GZMK: variants seen among roughly 807,000 people sequenced by gnomAD.
The protein encoded by GZMK is granzyme K.
In GZMK, 18 loss-of-function variants were observed where a neutral mutation model predicts 22.8. The observed-to-expected ratio is 0.79, with a 90% CI of 0.54 to 1.17. The LOEUF is 1.17. Ranked by LOEUF, GZMK falls within the 50% of genes most tolerant of loss-of-function variation. GZMK has a pLI of 0.00. For missense variants in GZMK, 342 were observed against 320.2 expected (o/e 1.07, Z -0.52); for synonymous variants, 136 against 115.0 (o/e 1.18, Z -1.17).
chr5:55,033,330 A>G (rs1741263101), intron 4 of GZMK, among the ~76,000 whole-genome samples: 1 of 152,368 alleles, frequency 6.6e-6, no homozygotes, highest in East Asian at 1.9e-4. Flanking sequence ...AGCCTCAATA[A>G]CAACTCGATT....
At chr5:55,031,669 G>C in intron 4 of GZMK, 36 bp downstream of exon 4, 1 of 1,580,654 alleles carries the variant, frequency 6.3e-7, no homozygotes. Flanking sequence ...ATCTTGGAGC[G>C]CTGTACAGTA....
At chr5:55,031,772 A>G (rs1741239085) in intron 4 of GZMK, 139 bp downstream of exon 4, 1 of 655,218 alleles carries the variant, frequency 1.5e-6, no homozygotes, top group African/African-American at 1.8e-5. Context: ...TCATTCCTGC[A>G]CAGCATTCTC....
chr5:55,030,378 C>T, intron 2 of GZMK, 56 bp from the exon 3 acceptor site: 2 of 1,547,020 alleles, frequency 1.3e-6, no homozygotes, highest in Non-Finnish European at 8.9e-7. Context: ...ATCACCACTC[C>T]CCACTGGGGG....
At chr5:55,024,631 G>A (rs1035739563) in intron 1 of GZMK, 29 bp from the exon 2 acceptor site, 2 of 1,517,458 alleles carry the variant, frequency 1.3e-6, no homozygotes, top group Non-Finnish European at 1.8e-6. Context: ...TAGATCTTTT[G>A]TGTGAAACCT....
chr5:55,031,125 C>T (rs948904898), intron 3 of GZMK, among the ~76,000 whole-genome samples: 1 of 152,154 alleles, frequency 6.6e-6, no homozygotes, highest in African/African-American at 2.4e-5. Context: ...CCAGTTTGCT[C>T]GAGACTGAAC....
In GZMK at chr5:55,034,013, A is replaced by G. The variant is rs372111727; in HGVS notation, c.*87A>G. ...GTTGGGTGTAAGTAAAGCAGAGCAC[A>G]TATGGGGTCCATTTTTGCACTTGTA... is the stretch of plus-strand genomic sequence containing the variant. On this transcript the variant is annotated 3_prime_UTR_variant, in exon 5 of 5. Coordinates refer to ENST00000231009, the MANE Select transcript of GZMK (RefSeq NM_002104.3). 3 of 954,334 alleles carry G rather than the reference A, an allele frequency of 3.1e-6. No individual in the cohort carries two copies. The highest frequency in any genetic ancestry group is 4.6e-6 in the Non-Finnish European group (3 of 649,626). The allele number at this position is 954,334 out of a possible 1,614,324, so 59.1% of individuals were successfully genotyped here.
chr5:55,031,184 C>G (rs997246259), intron 3 of GZMK, among the ~76,000 whole-genome samples, 180 bp from the exon 4 acceptor site: 2 of 152,162 alleles, frequency 1.3e-5, no homozygotes, highest in Admixed American at 1.3e-4. Context: ...GTGAGCTCCT[C>G]GGGGAGTAGA....
In GZMK at chr5:55,031,398, A is replaced by C. The variant is rs187556392; in HGVS notation, c.398A>C (p.Lys133Thr). 1 of 1,613,634 alleles carries C rather than the reference A, an allele frequency of 6.2e-7. No individual in the cohort carries two copies. Among genetic ancestry groups the C allele is most frequent in the Non-Finnish European group, 8.5e-7 (1 of 1,179,514 alleles). ...GCCGCAAAACTCAATAAACATGTCAAGATGCTCCACATAAGATCCAAAACC... is the reference window on the plus strand; with the variant it reads ...GCCGCAAAACTCAATAAACATGTCACGATGCTCCACATAAGATCCAAAACC... ...QTAAKLNKHV[K>T]MLHIRSKTSL... The change falls in exon 4 of 5, where the codon AAG (lysine) becomes ACG (threonine). Residue 133 changes from lysine (K) to threonine (T), a missense_variant. By Grantham distance (78) the Lys-to-Thr change is moderately conservative. Coordinates refer to ENST00000231009, the MANE Select transcript of GZMK (RefSeq NM_002104.3).
Position 55,025,332 on chromosome 5 carries a change from A to G in GZMK, c.212+525A>G, listed in dbSNP as rs987311296. Reference sequence around the variant, plus strand: ...ATGAGAAGCCTACTTTGCCACTCCTAACAGTAGCTACCTAACAGTAGCTAC... The same window carrying G: ...ATGAGAAGCCTACTTTGCCACTCCTGACAGTAGCTACCTAACAGTAGCTAC... On this transcript the variant is annotated intron_variant, in intron 2 of 4. Transcript: ENST00000231009. 2.6e-5 allele frequency among the ~76,000 whole-genome samples: 4 copies of G among 152,196 alleles called. No homozygotes were observed. The East Asian group carries it at 7.7e-4, about 29-fold the overall frequency.
rs751051206 is a variant in GZMK, at chr5:55,024,315, T to C, written c.-8T>C. 13 of 1,317,508 alleles carry C rather than the reference T, an allele frequency of 9.9e-6. No homozygotes were observed. The South Asian group carries it at 1.5e-4, about 16-fold the overall frequency. 81.6% of individuals were successfully genotyped at this position (1,317,508 alleles called of 1,614,324 possible). On this transcript the variant is annotated 5_prime_UTR_variant, in exon 1 of 5. Coordinates refer to ENST00000231009, the MANE Select transcript of GZMK (RefSeq NM_002104.3). The stretch of plus-strand genomic sequence containing the variant: ...TTCATCTGGGCTTCTTAAATCTAAA[T>C]CTTTAAAATGACTAAGTTTTCTTCC...
intron 2 of GZMK, among the ~76,000 whole-genome samples, chr5:55,029,464 G>A (rs1472321934): frequency 6.6e-6 from 1 of 152,152 alleles, no homozygotes; most frequent in Admixed American, 6.5e-5. Context: ...TCATGTAATA[G>A]GCCTTACTTC....
rs370792575 is a variant in GZMK, at chr5:55,031,495, T to C, written c.495T>C (p.Ser165=). The change falls in exon 4 of 5, where the codon TCT becomes TCC. Residue 165 remains serine (S), a synonymous_variant. Transcript: ENST00000231009. ...CCGATCCAGATTCATTAAGACCTTC[T>C]GACACCCTGCGAGAAGTCACTGTTA... ...GATDPDSLRP[S]DTLREVTVTV... is the part of the protein sequence containing the mutation. The C allele has an allele frequency of 3.7e-6, 6 of 1,614,212 alleles. No homozygotes were observed. Among genetic ancestry groups the C allele is most frequent in the Non-Finnish European group, 5.1e-6 (6 of 1,180,024 alleles).
At chr5:55,030,771 A>T (rs926424262) in intron 3 of GZMK, among the ~76,000 whole-genome samples, 187 bp downstream of exon 3, 1 of 152,170 alleles carries the variant, frequency 6.6e-6, no homozygotes, top group East Asian at 1.9e-4. Context: ...TTTATCACAA[A>T]TGCACCAGGG....
chr5:55,033,439 A>G (rs756367859), intron 4 of GZMK, among the ~76,000 whole-genome samples: 3 of 152,258 alleles, frequency 2.0e-5, no homozygotes, highest in Non-Finnish European at 2.9e-5. Context: ...TAAATAGTCA[A>G]TAGTCATTGA....
intron 2 of GZMK, 158 bp downstream of exon 2, chr5:55,024,965 T>G (rs2111604106): frequency 2.0e-6 from 1 of 501,978 alleles, no homozygotes; most frequent in East Asian, 3.1e-5. Flanking sequence ...ACATCCACGC[T>G]TTCTGTCTTG....
chr5:55,033,830 A>G lies in GZMK; in HGVS notation c.699A>G (p.Glu233=). ...VFHAIVSGGH[E]CGVATKPGIY... ...ACGCTATAGTCTCTGGAGGTCATGA[A>G]TGTGGTGTTGCCACAAAGCCTGGAA... Residue 233 remains glutamate, a synonymous_variant, in exon 5 of 5, where the codon GAA becomes GAG. Coordinates refer to ENST00000231009, the MANE Select transcript of GZMK (RefSeq NM_002104.3). The G allele has an allele frequency of 6.2e-7, 1 of 1,612,818 alleles. No homozygotes were observed. The highest frequency in any genetic ancestry group is 8.5e-7 in the Non-Finnish European group (1 of 1,179,388).
At position 55,024,326 on chromosome 5, in the gene GZMK, A is replaced by G; in HGVS notation, c.4A>G (p.Thr2Ala). M[T>A]KFSSFSLFFL... ...TTCTTAAATCTAAATCTTTAAAATG[A>G]CTAAGTTTTCTTCCTTTTCTCTGTT... is the stretch of plus-strand genomic sequence containing the variant. Residue 2 changes from threonine (T) to alanine (A), a missense_variant, in exon 1 of 5, where the codon ACT (threonine) becomes GCT (alanine). Physicochemically the swap from Thr to Ala is moderately conservative, Grantham distance 58. Coordinates refer to ENST00000231009, the MANE Select transcript of GZMK (RefSeq NM_002104.3). 7.0e-7 allele frequency: 1 copy of G among 1,423,742 alleles called. No individual in the cohort carries two copies. The highest frequency in any genetic ancestry group is 9.9e-7 in the Non-Finnish European group (1 of 1,008,790). The allele number at this position is 1,423,742 out of a possible 1,614,324, so 88.2% of individuals were successfully genotyped here. A position where few individuals can be genotyped will look rare whatever the true frequency, so the allele number is the denominator to read the frequency against.
At chr5:55,027,420 G>A (rs536104612) in intron 2 of GZMK, among the ~76,000 whole-genome samples, 17 of 152,228 alleles carry the variant, frequency 1.1e-4, no homozygotes, top group African/African-American at 3.4e-4. Context: ...CTCAAGGGGC[G>A]GGTCTAAGCA....
At chr5:55,024,960 C>A in intron 2 of GZMK, 153 bp downstream of exon 2, 1 of 504,966 alleles carries the variant, frequency 2.0e-6, no homozygotes, top group Non-Finnish European at 3.5e-6. Flanking sequence ...CTTCCACATC[C>A]ACGCTTTCTG....
Sources: gnomAD v4.1 joint callset for allele counts (sites outside exome capture counted in the v4.1 genomes callset) on GRCh38, gnomAD v4.1.1 for gene constraint, MANE v1.5 for transcripts, NCBI Gene and HGNC (gene_info 2026-07-23, HGNC 2026-07-21) for gene names.